RAD17: variants seen among roughly 807,000 people sequenced by gnomAD.
The protein encoded by RAD17 is RAD17 checkpoint clamp loader component.
RAD17 carries 31 observed loss-of-function variants against 81.5 expected under a neutral mutation model. The ratio of observed to expected loss-of-function variants is 0.38; its 90% CI spans 0.29 to 0.51. RAD17 has a LOEUF of 0.51. Among genes scored for constraint, RAD17 ranks in the 20% least tolerant of loss-of-function variants. The pLI, the probability that RAD17 is intolerant of heterozygous loss-of-function variation, is 0.88. For missense variants in RAD17, 681 were observed against 781.2 expected, an observed-to-expected ratio of 0.87 and a Z score of 1.53; for synonymous variants, 261 against 266.2, an observed-to-expected ratio of 0.98 and a Z score of 0.19.
Position 69,414,135 on chromosome 5 carries a change from G to A in RAD17, c.1856G>A (p.Gly619Asp). 6.2e-7 allele frequency: 1 copy of A among 1,614,216 alleles called. No individual in the cohort carries two copies. The highest frequency in any genetic ancestry group is 8.5e-7 in the Non-Finnish European group (1 of 1,180,048). Residue 619 changes from glycine to aspartate, a missense_variant, in exon 19 of 19, where the codon GGT (glycine) becomes GAT (aspartate). Gly to Asp is a moderately conservative substitution (Grantham distance 94). Coordinates refer to ENST00000354868, the MANE Select transcript of RAD17 (RefSeq NM_133338.3). ...GGACATTCTGCAGAGGAATCTCTGG[G>A]TGAACCCACTCAAGCCACTGTGCCG... The part of the protein sequence containing the change: ...NGGHSAEESL[G>D]EPTQATVPET...
chr5:69,402,203 A>C (rs1305057854), intron 17 of RAD17, among the ~76,000 whole-genome samples: 1 of 150,990 alleles, frequency 6.6e-6, no homozygotes, highest in Non-Finnish European at 1.5e-5. Context: ...ATGTGCCACA[A>C]CACCCGGCTA....
rs747505654 is a variant in RAD17 at position 69,400,183 on chromosome 5, T to TTTTTC, written c.1693+24_1693+28dup. 6.8e-7 allele frequency: 1 copy of TTTTTC among 1,467,316 alleles called. No homozygotes were observed. The highest frequency in any genetic ancestry group is 2.6e-5 in the East Asian group (1 of 38,478). 90.9% of individuals were successfully genotyped at this position (1,467,316 alleles called of 1,614,324 possible). On this transcript the variant is annotated intron_variant, in intron 17 of 18. Coordinates refer to ENST00000354868, the MANE Select transcript of RAD17 (RefSeq NM_133338.3). ...TGAGAAATCAAGGTAATAACATAGG[T>TTTTTC]TTTTCTTTTCTTTTAAGAAGTAGGG...
intron 6 of RAD17, among the ~76,000 whole-genome samples, chr5:69,377,452 T>TATATATGTATATATATATATATATAC (rs1763429670): frequency 3.8e-5 from 2 of 52,080 alleles, no homozygotes; most frequent in African/African-American, 6.5e-5. Flanking sequence ...TATATATATA[T>TATATATGTATATATATATATATATAC]ATATATATAT....
At chr5:69,373,163 A>G (rs1029053561) in intron 4 of RAD17, among the ~76,000 whole-genome samples, 1 of 152,192 alleles carries the variant, frequency 6.6e-6, no homozygotes, top group African/African-American at 2.4e-5. Flanking sequence ...TTTCTGTTAA[A>G]ATATTATCAT....
chr5:69,413,926 C>T, intron 18 of RAD17, 105 bp from the exon 19 acceptor site: 6 of 1,370,698 alleles, frequency 4.4e-6, no homozygotes, highest in South Asian at 1.4e-5. Context: ...CTAAACAGCA[C>T]AATGTAGGTA....
chr5:69,396,046 TTAACTAATTA>T (rs1764864808), intron 15 of RAD17, among the ~76,000 whole-genome samples: 2 of 152,152 alleles, frequency 1.3e-5, no homozygotes, highest in Non-Finnish European at 2.9e-5. Context: ...ATTAGTTACA[TTAACTAATTA>T]GTTATATAAT....
intron 17 of RAD17, among the ~76,000 whole-genome samples, chr5:69,401,493 A>T (rs1580426005): frequency 8.9e-6 from 1 of 112,916 alleles, no homozygotes; most frequent in Non-Finnish European, 1.9e-5. Flanking sequence ...ATGCCTATTA[A>T]TAGTATTTTT....
intron 17 of RAD17, among the ~76,000 whole-genome samples, chr5:69,403,202 C>CCT (rs1765381323): frequency 6.6e-6 from 1 of 152,142 alleles, no homozygotes; most frequent in African/African-American, 2.4e-5. Context: ...TGAAAGATAA[C>CCT]CTGATGCATT....
intron 6 of RAD17, among the ~76,000 whole-genome samples, chr5:69,378,964 G>C (rs1027704505): frequency 2.0e-5 from 3 of 152,134 alleles, no homozygotes; most frequent in African/African-American, 7.2e-5. Flanking sequence ...TAAAAAGGCC[G>C]GGCTTGGTGG....
rs1231156944 is a variant in RAD17 at position 69,372,065 on chromosome 5, A to G, written c.-144A>G. On this transcript the variant is annotated 5_prime_UTR_variant, in exon 4 of 19. Transcript: ENST00000354868. ...GGAGTCCACATTTATGTAAGAAATG[A>G]AACTATAAAATGTATAAATAATTTG... 1 of 1,352,052 alleles carries G rather than the reference A, an allele frequency of 7.4e-7. No individual in the cohort carries two copies. Among genetic ancestry groups the G allele is most frequent in the East Asian group, 2.6e-5 (1 of 38,916 alleles). The allele number at this position is 1,352,052 out of a possible 1,614,324, so 83.8% of individuals were successfully genotyped here. A position where few individuals can be genotyped will look rare whatever the true frequency, so the allele number is the denominator to read the frequency against.
intron 11 of RAD17, 30 bp downstream of exon 11, chr5:69,386,495 G>A (rs746900477): frequency 1.8e-5 from 28 of 1,530,784 alleles, no homozygotes; most frequent in East Asian, 2.3e-5. Flanking sequence ...AACCTTACTC[G>A]ATAACTATAG....
intron 18 of RAD17, among the ~76,000 whole-genome samples, chr5:69,411,914 T>C (rs1402896339): frequency 2.6e-5 from 4 of 152,228 alleles, no homozygotes; most frequent in Non-Finnish European, 5.9e-5. Flanking sequence ...TATTTTATTA[T>C]TGGTTCAACT....
rs762979455 is a variant in RAD17, at chr5:69,382,060, A to G, written c.508+3A>G. ...TTTCAAGGGGATGTTTAATACTGGTAAGATTTGCTGTGAAGGTAGTAGAAG... is the reference window on the plus strand; with the variant it reads ...TTTCAAGGGGATGTTTAATACTGGTGAGATTTGCTGTGAAGGTAGTAGAAG... On this transcript the variant is annotated splice_donor_region_variant and intron_variant, in intron 7 of 18. Coordinates refer to ENST00000354868, the MANE Select transcript of RAD17 (RefSeq NM_133338.3). 21 of 1,611,100 alleles carry G rather than the reference A, an allele frequency of 1.3e-5. No individual in the cohort carries two copies. Among genetic ancestry groups the G allele is most frequent in the Non-Finnish European group, 1.7e-5 (20 of 1,178,186 alleles).
chr5:69,403,327 A>T (rs907231389), intron 17 of RAD17, among the ~76,000 whole-genome samples: 2 of 152,152 alleles, frequency 1.3e-5, no homozygotes, highest in Non-Finnish European at 2.9e-5. Flanking sequence ...CGATCCCTCA[A>T]TTTGGGTTTG....
chr5:69,410,833 C>T (rs1328481905), intron 18 of RAD17, among the ~76,000 whole-genome samples: 1 of 151,878 alleles, frequency 6.6e-6, no homozygotes, highest in Admixed American at 6.6e-5. Flanking sequence ...CCCTTGCCAG[C>T]TTTCCTGTTG....
chr5:69,411,333 C>T (rs147947571), intron 18 of RAD17, among the ~76,000 whole-genome samples: 3,556 of 152,024 alleles, frequency 0.023, 141 homozygotes, highest in African/African-American at 0.081. Flanking sequence ...ATCGCTTCAA[C>T]CCAGGAGGTG....
At chr5:69,370,822 G>A in intron 1 of RAD17, 1 of 188,746 alleles carries the variant, frequency 5.3e-6, no homozygotes, top group South Asian at 8.6e-5. Context: ...CCTCCAAACT[G>A]TAAAGTAGTC....
chr5:69,389,528 G>A (rs530762902), intron 12 of RAD17, among the ~76,000 whole-genome samples: 2 of 152,282 alleles, frequency 1.3e-5, no homozygotes, highest in African/African-American at 4.8e-5. Context: ...GAATATGTGA[G>A]GTGACACTAT....
chr5:69,371,579 A>G (rs1008082644), intron 3 of RAD17, 22 bp downstream of exon 3: 19 of 1,336,074 alleles, frequency 1.4e-5, no homozygotes, highest in Admixed American at 2.6e-5. Context: ...TGGAATGGCC[A>G]TGTAATAATT....
Sources: gnomAD v4.1 joint callset for allele counts (sites outside exome capture counted in the v4.1 genomes callset) on GRCh38, gnomAD v4.1.1 for gene constraint, MANE v1.5 for transcripts, NCBI Gene and HGNC (gene_info 2026-07-23, HGNC 2026-07-21) for gene names.